RALYL: variants seen among roughly 807,000 people sequenced by gnomAD.
RALYL encodes the protein RNA-binding Raly-like protein.
A neutral mutation model predicts 35.1 loss-of-function variants in RALYL; 29 were observed. That is an observed-to-expected ratio of 0.83 (90% CI 0.61 to 1.13). The LOEUF is 1.13. RALYL is among the 50% of genes most tolerant of loss of function. The probability of loss-of-function intolerance (pLI) is 0.00; values close to 1 mark genes in which losing one functional copy is unlikely to be tolerated. For missense variants in RALYL, 359 were observed against 360.4 expected (o/e 1.00, Z 0.03); for synonymous variants, 120 against 127.6 (o/e 0.94, Z 0.40).
rs374309460 is a variant in RALYL at position 84,228,131 on chromosome 8, C to T, written c.-24+43707C>T. 1.1e-4 allele frequency among the ~76,000 whole-genome samples: 13 copies of T among 117,098 alleles called. No homozygotes were observed. The South Asian group carries it at 1.6e-3, about 14-fold the overall frequency. 76.8% of individuals were successfully genotyped at this position (117,098 alleles called of 152,430 possible). A position where few individuals can be genotyped will look rare whatever the true frequency, so the allele number is the denominator to read the frequency against. On this transcript the variant is annotated intron_variant, in intron 1 of 8. Coordinates refer to ENST00000521268, the MANE Select transcript of RALYL (RefSeq NM_173848.7). ...CCTTTGTCCCAAAGTGCTAGTTAAA[C>T]GAAGACATAAAGAATAGTCTAGCAA...
chr8:84,434,408 C>G lies in RALYL; in HGVS notation c.-23-94891C>G, dbSNP rs550904444. On this transcript the variant is annotated intron_variant, in intron 1 of 8. Transcript: ENST00000521268. ...AACTTGTTTTTGTACAGATTCTTAG[C>G]TAAGGAACTACCTTTCTAGAAAGCC... 2.0e-5 allele frequency among the ~76,000 whole-genome samples: 3 copies of G among 152,182 alleles called. No homozygotes were observed. The South Asian group carries it at 6.2e-4, about 32-fold the overall frequency.
At chr8:84,420,680 G>T (rs1419402558) in intron 1 of RALYL, among the ~76,000 whole-genome samples, 3 of 125,838 alleles carry the variant, frequency 2.4e-5, no homozygotes, top group African/African-American at 3.3e-5. Context: ...ATGGTTTTAG[G>T]TCTAACGTTT....
chr8:84,721,758 T>C (rs900005832), intron 2 of RALYL, among the ~76,000 whole-genome samples: 1 of 152,160 alleles, frequency 6.6e-6, no homozygotes, highest in African/African-American at 2.4e-5. Flanking sequence ...GCTGAATCTA[T>C]GAAAGTTAAG....
At chr8:84,237,348 C>A (rs10504794) in intron 1 of RALYL, among the ~76,000 whole-genome samples, 53,151 of 151,954 alleles carry the variant, frequency 0.35, 10,396 homozygotes, top group Non-Finnish European at 0.44. Flanking sequence ...AAGGAAGAAT[C>A]TTAAAGGTAT....
chr8:84,750,398 T>C (rs1405829887), intron 2 of RALYL, among the ~76,000 whole-genome samples: 3 of 152,016 alleles, frequency 2.0e-5, no homozygotes, highest in Non-Finnish European at 4.4e-5. Flanking sequence ...CCCAGGTGCT[T>C]TCTATAAAGC....
intron 1 of RALYL, among the ~76,000 whole-genome samples, chr8:84,306,011 A>G (rs1230257443): frequency 6.6e-6 from 1 of 152,110 alleles, no homozygotes; most frequent in Non-Finnish European, 1.5e-5. Flanking sequence ...AAAAATACAA[A>G]AAATTAGCCA....
At chr8:84,622,974 A>G (rs531954925) in intron 2 of RALYL, among the ~76,000 whole-genome samples, 1 of 152,206 alleles carries the variant, frequency 6.6e-6, no homozygotes, top group Non-Finnish European at 1.5e-5. Flanking sequence ...TAACATTTTC[A>G]GTGACTATCT....
intron 1 of RALYL, among the ~76,000 whole-genome samples, chr8:84,438,995 A>G (rs986634999): frequency 6.6e-6 from 1 of 151,740 alleles, no homozygotes; most frequent in Admixed American, 6.6e-5. Context: ...AGAGCCTTAT[A>G]GTATAGTTTG....
At position 84,469,927 on chromosome 8, in the gene RALYL, T is replaced by C. The variant is rs368417466; in HGVS notation, c.-23-59372T>C. Among the ~76,000 whole-genome samples, 142 of 152,344 alleles carry C rather than the reference T, an allele frequency of 9.3e-4. 1 individual carries two copies. In the East Asian group the frequency reaches 0.019, roughly 20 times the overall value. Reference sequence around the variant, plus strand: ...CCAGGTGCCGTCTGTCAGCCCTTTCTTTGACTCAGACAGGGAACTCCCTGA... The same window carrying C: ...CCAGGTGCCGTCTGTCAGCCCTTTCCTTGACTCAGACAGGGAACTCCCTGA... On this transcript the variant is annotated intron_variant, in intron 1 of 8. Coordinates refer to ENST00000521268, the MANE Select transcript of RALYL (RefSeq NM_173848.7).
chr8:84,741,199 C>T (rs1807216131), intron 2 of RALYL, among the ~76,000 whole-genome samples: 1 of 151,910 alleles, frequency 6.6e-6, no homozygotes, highest in Non-Finnish European at 1.5e-5. Flanking sequence ...AACATCGTGT[C>T]TCTTGGAGTA....
intron 1 of RALYL, among the ~76,000 whole-genome samples, chr8:84,220,646 G>T (rs1267359623): frequency 6.6e-6 from 1 of 151,752 alleles, no homozygotes; most frequent in East Asian, 1.9e-4. Context: ...AACAACTTTT[G>T]AATTAGCCAA....
rs149644687 is a variant in RALYL at position 84,351,813 on chromosome 8, T to C, written c.-24+167389T>C. Among the ~76,000 whole-genome samples, 13 of 150,502 alleles carry C rather than the reference T, an allele frequency of 8.6e-5. 2 individuals carry two copies. The highest frequency in any genetic ancestry group is 3.0e-4 in the African/African-American group (12 of 40,516). On this transcript the variant is annotated intron_variant, in intron 1 of 8. Transcript: ENST00000521268. Reference sequence around the variant, plus strand: ...CTACAGAGTATCTAGAAATATGCGTTGTGCTTATTCATTTGTGACAATAGG... The same window carrying C: ...CTACAGAGTATCTAGAAATATGCGTCGTGCTTATTCATTTGTGACAATAGG...
At chr8:84,798,608 A>C (rs1822479465) in intron 3 of RALYL, among the ~76,000 whole-genome samples, 1 of 152,256 alleles carries the variant, frequency 6.6e-6, no homozygotes, top group Non-Finnish European at 1.5e-5. Flanking sequence ...CCTTTGGCAC[A>C]TCCATCTTAA....
At chr8:84,741,917 A>T (rs1233554910) in intron 2 of RALYL, among the ~76,000 whole-genome samples, 1 of 151,810 alleles carries the variant, frequency 6.6e-6, no homozygotes, top group Non-Finnish European at 1.5e-5. Context: ...TGGACATTAG[A>T]CAGGTCTATT....
intron 3 of RALYL, among the ~76,000 whole-genome samples, chr8:84,788,273 T>C (rs2634051): frequency 0.32 from 49,118 of 152,006 alleles, 9,373 homozygotes; most frequent in African/African-American, 0.53. Context: ...ACAGAACAGA[T>C]GTCTACAACC....
chr8:84,905,700 A>ATTT (rs35284071), intron 8 of RALYL, among the ~76,000 whole-genome samples: 5,538 of 142,970 alleles, frequency 0.039, 156 homozygotes, highest in Middle Eastern at 0.098. Context: ...TATGAATACT[A>ATTT]TTTTTTTTTT....
At chr8:84,689,110 G>A (rs551267523) in intron 2 of RALYL, among the ~76,000 whole-genome samples, 61 of 151,362 alleles carry the variant, frequency 4.0e-4, no homozygotes, top group African/African-American at 1.4e-3. Flanking sequence ...TAAGTTTTAG[G>A]GTACATGTGC....
chr8:84,682,564 G>A (rs112821095), intron 2 of RALYL, among the ~76,000 whole-genome samples: 2 of 151,938 alleles, frequency 1.3e-5, no homozygotes, highest in East Asian at 1.9e-4. Flanking sequence ...CTGGTTTAGT[G>A]TTGGGAGAGT....
intron 8 of RALYL, among the ~76,000 whole-genome samples, chr8:84,904,838 C>T (rs1399295759): frequency 2.6e-5 from 4 of 151,888 alleles, no homozygotes; most frequent in Non-Finnish European, 5.9e-5. Context: ...TCTATGTTGC[C>T]TCTGTTCACT....
Sources: gnomAD v4.1 joint callset for allele counts (sites outside exome capture counted in the v4.1 genomes callset) on GRCh38, gnomAD v4.1.1 for gene constraint, MANE v1.5 for transcripts, NCBI Gene and HGNC (gene_info 2026-07-23, HGNC 2026-07-21) for gene names.